Variants in SYT14 observed in about 807,000 individuals in gnomAD.
SYT14 encodes the protein synaptotagmin-14.
SYT14 carries 32 observed loss-of-function variants against 74.2 expected under a neutral mutation model. That is an observed-to-expected ratio of 0.43 (90% CI 0.33 to 0.58). The LOEUF (loss-of-function observed/expected upper bound fraction) is 0.58. SYT14 is among the 20% of genes least tolerant of loss of function. The pLI is 0.05. For synonymous variants in SYT14, 298 were observed against 337.7 expected (o/e 0.88, Z 1.29); for missense variants, 791 against 981.8 (o/e 0.81, Z 2.60).
intron 2 of SYT14, among the ~76,000 whole-genome samples, chr1:209,970,662 CTTTTTTTTTTTTTTTTTT>C (rs35639848): frequency 9.6e-5 from 6 of 62,808 alleles, no homozygotes; most frequent in East Asian, 1.6e-3. Flanking sequence ...GGCAGTATGG[CTTTTTTTTTTTTTTTTTT>C]TTTTTTTTTT....
intron 9 of SYT14, among the ~76,000 whole-genome samples, chr1:210,159,782 T>G (rs904824221): frequency 2.6e-5 from 4 of 152,200 alleles, no homozygotes; most frequent in Admixed American, 6.5e-5. Context: ...TCTTTAAAAT[T>G]AATTGAAATT....
intron 2 of SYT14, among the ~76,000 whole-genome samples, chr1:210,004,718 CA>C (rs1325133620): frequency 6.6e-6 from 1 of 151,926 alleles, no homozygotes; most frequent in East Asian, 1.9e-4. Context: ...GATTCTGCTC[CA>C]AAACTGCGAT....
chr1:210,007,335 G>A (rs1208713813), intron 2 of SYT14, among the ~76,000 whole-genome samples: 1 of 151,792 alleles, frequency 6.6e-6, no homozygotes, highest in Non-Finnish European at 1.5e-5. Context: ...TATAGTGGAC[G>A]ATATAGCTCA....
At chr1:210,157,865 A>C (rs1426811671) in intron 8 of SYT14, among the ~76,000 whole-genome samples, 1 of 152,170 alleles carries the variant, frequency 6.6e-6, no homozygotes, top group Non-Finnish European at 1.5e-5. Context: ...TATTCAATGG[A>C]AGTAAAAAGT....
At chr1:210,078,602 C>G (rs987168849) in intron 5 of SYT14, among the ~76,000 whole-genome samples, 10 of 152,024 alleles carry the variant, frequency 6.6e-5, no homozygotes, top group African/African-American at 2.4e-4. Context: ...GGTTCTGGTT[C>G]AAGAGTTTGA....
In SYT14 at chr1:210,003,983, G is replaced by A. The variant is rs1432000106; in HGVS notation, c.-485-9650G>A. On this transcript the variant is annotated intron_variant, in intron 2 of 9. Transcript: ENST00000637265. ...TCTCCAAATGTATTCTTTACTAGGT[G>A]TTCTCAATTTTACTTTGAAATTGGA... 2.0e-5 allele frequency among the ~76,000 whole-genome samples: 3 copies of A among 151,742 alleles called. No individual in the cohort carries two copies. In the East Asian group the frequency reaches 5.8e-4, roughly 29 times the overall value.
At chr1:210,021,005 A>G in intron 4 of SYT14, 34 bp from the exon 4 acceptor site, 1 of 1,601,382 alleles carries the variant, frequency 6.2e-7, no homozygotes. Flanking sequence ...TTTTTTTTTC[A>G]ATTACCGTTT....
intron 5 of SYT14, among the ~76,000 whole-genome samples, chr1:210,041,296 A>C (rs980722392): frequency 7.2e-5 from 11 of 152,206 alleles, no homozygotes; most frequent in African/African-American, 2.7e-4. Flanking sequence ...GGTGTTCAGC[A>C]GGAGGGACTT....
intron 2 of SYT14, among the ~76,000 whole-genome samples, chr1:209,963,048 T>C (rs533558962): frequency 6.6e-6 from 1 of 152,294 alleles, no homozygotes; most frequent in South Asian, 2.1e-4. Flanking sequence ...AGTTATGGAC[T>C]TAATAAATCA....
At chr1:210,089,640 A>G (rs1368007230) in intron 5 of SYT14, among the ~76,000 whole-genome samples, 3 of 152,038 alleles carry the variant, frequency 2.0e-5, no homozygotes, top group Non-Finnish European at 4.4e-5. Flanking sequence ...GTATATTTTA[A>G]TCTCTAGTTA....
At chr1:209,993,325 A>G (rs529099588) in intron 2 of SYT14, among the ~76,000 whole-genome samples, 1 of 152,306 alleles carries the variant, frequency 6.6e-6, no homozygotes, top group East Asian at 1.9e-4. Context: ...GATTGAGTGC[A>G]CAGTGTAGCA....
chr1:210,002,310 A>G (rs1466006990), intron 2 of SYT14, among the ~76,000 whole-genome samples: 1 of 151,994 alleles, frequency 6.6e-6, no homozygotes, highest in Non-Finnish European at 1.5e-5. Flanking sequence ...ATGGACATTA[A>G]TATTTTTTTC....
intron 7 of SYT14, among the ~76,000 whole-genome samples, chr1:210,140,806 A>G (rs1458182702): frequency 3.9e-5 from 6 of 152,138 alleles, no homozygotes; most frequent in African/African-American, 1.4e-4. Flanking sequence ...TGAATTGCCC[A>G]TAAATGTAAG....
At chr1:209,996,704 C>G (rs902429959) in intron 2 of SYT14, among the ~76,000 whole-genome samples, 1 of 152,012 alleles carries the variant, frequency 6.6e-6, no homozygotes, top group Non-Finnish European at 1.5e-5. Context: ...AACATAGACA[C>G]GAAAATCCTC....
chr1:210,021,947 CATAA>C (rs1454411232), intron 5 of SYT14, among the ~76,000 whole-genome samples: 2 of 152,144 alleles, frequency 1.3e-5, no homozygotes, highest in African/African-American at 2.4e-5. Context: ...CTTTCTGTGA[CATAA>C]ATAAGACAGA....
At chr1:210,044,129 A>G (rs1458492165) in intron 5 of SYT14, among the ~76,000 whole-genome samples, 1 of 152,170 alleles carries the variant, frequency 6.6e-6, no homozygotes, top group Non-Finnish European at 1.5e-5. Flanking sequence ...GTTGGTGCCA[A>G]TGTCGTAAAT....
At chr1:209,959,550 T>G (rs749847139) in intron 2 of SYT14, among the ~76,000 whole-genome samples, 7 of 152,148 alleles carry the variant, frequency 4.6e-5, no homozygotes, top group Non-Finnish European at 1.0e-4. Flanking sequence ...ATATTATTCA[T>G]CCACCAGAAT....
chr1:209,966,707 C>T (rs776413003), intron 2 of SYT14, among the ~76,000 whole-genome samples: 2 of 152,166 alleles, frequency 1.3e-5, no homozygotes, highest in Non-Finnish European at 2.9e-5. Flanking sequence ...TAAATGCACT[C>T]GTTCTAGTAG....
chr1:210,160,751 A>C, exon 10 of SYT14: 1 of 1,613,896 alleles, frequency 6.2e-7, no homozygotes, highest in African/African-American at 1.3e-5. Flanking sequence ...AGTTAACTCT[A>C]CTGAATTCCA....
Sources: gnomAD v4.1 joint callset for allele counts (sites outside exome capture counted in the v4.1 genomes callset) on GRCh38, gnomAD v4.1.1 for gene constraint, MANE v1.5 for transcripts, NCBI Gene and HGNC (gene_info 2026-07-23, HGNC 2026-07-21) for gene names.